The following TBC1D4 variants were observed in gnomAD, a reference collection of about 807,000 sequenced individuals.
TBC1D4 encodes TBC (Tre-2, BUB2, CDC16) domain-containing protein.
A neutral mutation model predicts 142.5 loss-of-function variants in TBC1D4; 121 were observed. The ratio of observed to expected loss-of-function variants is 0.85; its 90% CI spans 0.73 to 0.99. The LOEUF (loss-of-function observed/expected upper bound fraction) is 0.99. Ranked by LOEUF, TBC1D4 falls within the 50% of genes least tolerant of loss-of-function variation. The pLI, the probability that TBC1D4 is intolerant of heterozygous loss-of-function variation, is 0.00. For missense variants in TBC1D4, 1,475 were observed against 1,606.6 expected (o/e 0.92, Z 1.40); for synonymous variants, 630 against 628.2 (o/e 1.00, Z -0.04).
chr13:75,350,438 G>C (rs1264214499), intron 4 of TBC1D4, among the ~76,000 whole-genome samples: 1 of 152,122 alleles, frequency 6.6e-6, no homozygotes, highest in Non-Finnish European at 1.5e-5. Context: ...GTTACGTTTT[G>C]TTATATCAGC....
At chr13:75,347,879 T>C (rs1439094518) in intron 5 of TBC1D4, among the ~76,000 whole-genome samples, 1 of 152,232 alleles carries the variant, frequency 6.6e-6, no homozygotes, top group Non-Finnish European at 1.5e-5. Context: ...CTCATGCCTG[T>C]AATCTCAGCA....
chr13:75,305,607 T>G (rs1049044778), intron 15 of TBC1D4, among the ~76,000 whole-genome samples: 1 of 152,234 alleles, frequency 6.6e-6, no homozygotes, highest in Admixed American at 6.5e-5. Context: ...CACATTAGCA[T>G]AGGCTTTTAA....
chr13:75,410,429 G>T (rs1885590545), intron 1 of TBC1D4, among the ~76,000 whole-genome samples: 2 of 152,232 alleles, frequency 1.3e-5, no homozygotes, highest in South Asian at 4.2e-4. Flanking sequence ...TCACGCTAAT[G>T]AATTATGCCC....
At chr13:75,354,549 T>C (rs1161712286) in intron 4 of TBC1D4, among the ~76,000 whole-genome samples, 1 of 152,120 alleles carries the variant, frequency 6.6e-6, no homozygotes, top group Non-Finnish European at 1.5e-5. Flanking sequence ...GTTAGGTAAA[T>C]GGTGCTTCCA....
At chr13:75,335,135 A>G (rs1407009853) in intron 8 of TBC1D4, among the ~76,000 whole-genome samples, 2 of 152,012 alleles carry the variant, frequency 1.3e-5, no homozygotes, top group African/African-American at 4.8e-5. Flanking sequence ...TGACACCCGC[A>G]CTGGGCCTTC....
chr13:75,306,560 A>C, intron 14 of TBC1D4, 89 bp from the exon 15 acceptor site: 1 of 1,513,102 alleles, frequency 6.6e-7, no homozygotes, highest in Non-Finnish European at 9.1e-7. Flanking sequence ...ACCATACCAA[A>C]TGACTTTCAG....
At chr13:75,358,670 G>C (rs1405593812) in intron 3 of TBC1D4, among the ~76,000 whole-genome samples, 1 of 151,860 alleles carries the variant, frequency 6.6e-6, no homozygotes, top group Non-Finnish European at 1.5e-5. Context: ...AACATAATGA[G>C]ACCTCGTCTC....
chr13:75,302,888 T>C (rs1249851139), intron 15 of TBC1D4: 1 of 188,804 alleles, frequency 5.3e-6, no homozygotes, highest in Admixed American at 5.4e-5. Context: ...CCAAAGTGTA[T>C]TACTGCCTAT....
chr13:75,317,790 G>A (rs953724766), intron 12 of TBC1D4, among the ~76,000 whole-genome samples: 4 of 152,126 alleles, frequency 2.6e-5, no homozygotes, highest in African/African-American at 9.7e-5. Context: ...CTGGTATATT[G>A]TATATATACT....
At chr13:75,357,841 A>T (rs1211298236) in intron 3 of TBC1D4, among the ~76,000 whole-genome samples, 1 of 152,180 alleles carries the variant, frequency 6.6e-6, no homozygotes, top group Non-Finnish European at 1.5e-5. Flanking sequence ...CCTCAATGAA[A>T]GGCAGGGCTT....
At chr13:75,368,067 C>G (rs1279385330) in intron 1 of TBC1D4, among the ~76,000 whole-genome samples, 2 of 152,064 alleles carry the variant, frequency 1.3e-5, no homozygotes, top group African/African-American at 4.8e-5. Flanking sequence ...TTCAGAGTTT[C>G]TTTGTATTTA....
At chr13:75,440,239 T>G (rs1886978476) in intron 1 of TBC1D4, among the ~76,000 whole-genome samples, 1 of 152,044 alleles carries the variant, frequency 6.6e-6, no homozygotes, top group African/African-American at 2.4e-5. Context: ...AGGGGTGGAT[T>G]GTATAAAATG....
chr13:75,396,705 T>C (rs1884810768), intron 1 of TBC1D4, among the ~76,000 whole-genome samples: 1 of 152,016 alleles, frequency 6.6e-6, no homozygotes, highest in Non-Finnish European at 1.5e-5. Context: ...GAAGCAGGAA[T>C]ATAAGATCAG....
chr13:75,362,340 C>A lies in TBC1D4; in HGVS notation c.766G>T (p.Glu256Ter). 2 of 1,614,186 alleles carry A rather than the reference C, an allele frequency of 1.2e-6. No individual in the cohort carries two copies. Among genetic ancestry groups the A allele is most frequent in the Non-Finnish European group, 1.7e-6 (2 of 1,180,042 alleles). ...CCGGGGGACCCGGGCACCACCACCT[C>A]CAAGTCAGCCAGGTCCTCTCCTGGG... ...PDPGEDLADL[E>*]VVVPGSPGDC... Residue 256 changes from glutamate to a stop codon, truncating the protein, a stop_gained, in exon 2 of 21, where the codon GAG (glutamate) becomes TAG (stop). Coordinates refer to ENST00000377636, the MANE Select transcript of TBC1D4 (RefSeq NM_014832.5). LOFTEE classifies it high-confidence loss of function. The surrounding 1 kb of genome is among the most constrained non-coding windows in gnomAD (Gnocchi z 4.2).
chr13:75,481,195 T>TGCCCCCCCCCCCCCCCC, intron 1 of TBC1D4, 75 bp downstream of exon 1: 1 of 1,292,712 alleles, frequency 7.7e-7, no homozygotes. Flanking sequence ...TAAAGTGGGG[T>TGCCCCCCCCCCCCCCCC]CCCCGCCCCT....
At chr13:75,328,959 G>A (rs1196437010) in intron 8 of TBC1D4, among the ~76,000 whole-genome samples, 1 of 152,020 alleles carries the variant, frequency 6.6e-6, no homozygotes, top group African/African-American at 2.4e-5. Context: ...CCCCAAAAGC[G>A]AACCTTGAAA....
intron 1 of TBC1D4, among the ~76,000 whole-genome samples, chr13:75,410,088 A>T (rs527643196): frequency 1.3e-5 from 2 of 152,282 alleles, no homozygotes; most frequent in African/African-American, 2.4e-5. Flanking sequence ...CTCTCAGAGT[A>T]TTGTTGTGAG....
rs1430113212 is a variant in TBC1D4, at chr13:75,285,710, A to G, written c.*1082T>C. 1 of 152,652 alleles carries G rather than the reference A, an allele frequency of 6.6e-6. No homozygotes were observed. Among genetic ancestry groups the G allele is most frequent in the African/African-American group, 2.4e-5 (1 of 41,454 alleles). The allele number at this position is 152,652 out of a possible 1,614,324, so 9.5% of individuals were successfully genotyped here. ...ACTTTTCACATAAAAGGGGAAGATT[A>G]TTAAAGCTTATTAGATTCTGTCAAT... is the stretch of plus-strand genomic sequence containing the variant. On this transcript the variant is annotated 3_prime_UTR_variant, in exon 21 of 21. Coordinates refer to ENST00000377636, the MANE Select transcript of TBC1D4 (RefSeq NM_014832.5).
chr13:75,453,554 AC>A (rs1354287657), intron 1 of TBC1D4, among the ~76,000 whole-genome samples: 6 of 152,140 alleles, frequency 3.9e-5, no homozygotes, highest in Non-Finnish European at 7.4e-5. Context: ...GGTAGAAAAA[AC>A]ATTTTCTATT....
Sources: allele counts gnomAD v4.1 joint callset (sites outside exome capture counted in the v4.1 genomes callset), GRCh38; gene constraint gnomAD v4.1.1; non-coding constraint Gnocchi (gnomAD v3.1); transcripts MANE v1.5; gene names NCBI Gene and HGNC (gene_info 2026-07-23, HGNC 2026-07-21).